The following SLCO1B1 variants were observed in gnomAD, a reference collection of about 807,000 sequenced individuals.
The protein encoded by SLCO1B1 is solute carrier organic anion transporter family member 1B1.
In SLCO1B1, 81 loss-of-function variants were observed where a neutral mutation model predicts 70.1. That is an observed-to-expected ratio of 1.16 (90% CI 0.97 to 1.39). SLCO1B1 has a LOEUF of 1.39. Among genes scored for constraint, SLCO1B1 ranks in the 40% most tolerant of loss-of-function variants. The pLI, the probability that SLCO1B1 is intolerant of heterozygous loss-of-function variation, is 0.00. For missense variants in SLCO1B1, 895 were observed against 799.6 expected (o/e 1.12, Z -1.44); for synonymous variants, 283 against 271.5 (o/e 1.04, Z -0.42).
intron 12 of SLCO1B1, among the ~76,000 whole-genome samples, chr12:21,221,652 G>T (rs913918424): frequency 2.8e-4 from 43 of 152,048 alleles, no homozygotes; most frequent in Non-Finnish European, 5.3e-4. Context: ...ACAAACATAT[G>T]ACAAAATGCT....
chr12:21,157,721 C>T (rs1436839629), intron 2 of SLCO1B1, among the ~76,000 whole-genome samples: 1 of 151,724 alleles, frequency 6.6e-6, no homozygotes, highest in Non-Finnish European at 1.5e-5. Flanking sequence ...CCTGCCTCAG[C>T]CTCCCAAGTA....
At chr12:21,232,576 C>A (rs1286237713) in intron 14 of SLCO1B1, among the ~76,000 whole-genome samples, 1 of 152,194 alleles carries the variant, frequency 6.6e-6, no homozygotes, top group Admixed American at 6.5e-5. Context: ...TGACACCCCT[C>A]TCCATTACAG....
intron 2 of SLCO1B1, among the ~76,000 whole-genome samples, chr12:21,168,476 A>G (rs902733788): frequency 1.3e-5 from 2 of 152,300 alleles, no homozygotes; most frequent in Admixed American, 6.5e-5. Flanking sequence ...GGAACCTCCA[A>G]ACTCTTTTTC....
chr12:21,227,302 C>T (rs4149082), intron 14 of SLCO1B1, among the ~76,000 whole-genome samples: 1 of 151,644 alleles, frequency 6.6e-6, no homozygotes, highest in Non-Finnish European at 1.5e-5. Flanking sequence ...TAATATGGAA[C>T]CTTCTTCAAG....
chr12:21,199,789 TTTTGTTTGTTTG>T (rs3060579), intron 8 of SLCO1B1, among the ~76,000 whole-genome samples: 5 of 151,856 alleles, frequency 3.3e-5, no homozygotes, highest in East Asian at 3.9e-4. Context: ...TTTTGGGTTT[TTTTGTTTGTTTG>T]TTTGTTTGTT....
intron 1 of SLCO1B1, among the ~76,000 whole-genome samples, 176 bp downstream of exon 1, chr12:21,131,412 T>A (rs73244851): frequency 6.6e-6 from 1 of 152,048 alleles, no homozygotes; most frequent in Admixed American, 6.6e-5. Context: ...TAGAAGAGCC[T>A]CAGGTTTATA....
At chr12:21,209,208 C>A (rs1320421423) in intron 11 of SLCO1B1, among the ~76,000 whole-genome samples, 1 of 151,752 alleles carries the variant, frequency 6.6e-6, no homozygotes, top group Non-Finnish European at 1.5e-5. Flanking sequence ...TCCCTCCCCC[C>A]TCCTCCCACC....
At chr12:21,234,712 A>G (rs1272589933) in intron 14 of SLCO1B1, among the ~76,000 whole-genome samples, 1 of 152,174 alleles carries the variant, frequency 6.6e-6, no homozygotes, top group Non-Finnish European at 1.5e-5. Flanking sequence ...TGTTGAAGCT[A>G]TATCCTAGAG....
intron 10 of SLCO1B1, among the ~76,000 whole-genome samples, chr12:21,205,161 AAAT>A (rs1316578740): frequency 1.3e-5 from 2 of 151,746 alleles, no homozygotes. Flanking sequence ...ATTTGAAAGA[AAAT>A]AATTTTTTAA....
intron 7 of SLCO1B1, among the ~76,000 whole-genome samples, chr12:21,180,628 C>T (rs770737354): frequency 6.6e-6 from 1 of 152,124 alleles, no homozygotes; most frequent in Non-Finnish European, 1.5e-5. Flanking sequence ...TCACAGTGGG[C>T]CAGCAACAGC....
Position 21,178,722 on chromosome 12 carries a change from G to A in SLCO1B1, c.628G>A (p.Gly210Ser). Residue 210 changes from glycine (G) to serine (S), a missense_variant and splice_region_variant, in exon 6 of 15, where the codon GGT (glycine) becomes AGT (serine). Transcript: ENST00000256958. ...AKEGHSSLYLGILNAIAMIGP... is the reference protein window; with the variant it reads ...AKEGHSSLYLSILNAIAMIGP... ...AGAAGGACATTCTTCTTTGTATTTA[G>A]GTAATGTACACAAAATATTAAATTG... 1.3e-6 allele frequency: 2 copies of A among 1,599,942 alleles called. No homozygotes were observed. Among genetic ancestry groups the A allele is most frequent in the Non-Finnish European group, 1.7e-6 (2 of 1,167,308 alleles).
At chr12:21,176,703 T>A in intron 4 of SLCO1B1, 73 bp from the exon 5 acceptor site, 2 of 1,179,222 alleles carry the variant, frequency 1.7e-6, no homozygotes, top group South Asian at 2.5e-5. Context: ...GGGGAATATT[T>A]CTCTGTATTT....
intron 14 of SLCO1B1, among the ~76,000 whole-genome samples, chr12:21,227,507 AC>A (rs772033051): frequency 3.3e-5 from 5 of 152,178 alleles, no homozygotes; most frequent in Non-Finnish European, 7.4e-5. Context: ...AAATGATCCA[AC>A]TTTTTCCAGA....
chr12:21,155,106 G>GT (rs1452571484), intron 2 of SLCO1B1, among the ~76,000 whole-genome samples: 28 of 127,112 alleles, frequency 2.2e-4, no homozygotes, highest in Non-Finnish European at 4.7e-4. Context: ...TGCATTTTTT[G>GT]TTTTTTTTAA....
chr12:21,193,739 C>G (rs952172058), intron 7 of SLCO1B1, among the ~76,000 whole-genome samples: 5 of 152,122 alleles, frequency 3.3e-5, no homozygotes, highest in African/African-American at 1.2e-4. Context: ...AACCTATATC[C>G]TTAATGCTTT....
rs75099577 is a variant in SLCO1B1, at chr12:21,228,726, G to A, written c.1865+3887G>A. On this transcript the variant is annotated intron_variant, in intron 14 of 14. Coordinates refer to ENST00000256958, the MANE Select transcript of SLCO1B1 (RefSeq NM_006446.5). ...GTGGCCTCTAGAAGTGAGAAAAAGC[G>A]AAGGAACAGCTTATTTCCTGGAGGT... 1.3e-5 allele frequency among the ~76,000 whole-genome samples: 2 copies of A among 152,286 alleles called. 1 individual carries two copies. Among genetic ancestry groups the A allele is most frequent in the South Asian group, 4.1e-4 (2 of 4,826 alleles).
intron 2 of SLCO1B1, among the ~76,000 whole-genome samples, chr12:21,146,262 T>A (rs1189107644): frequency 1.3e-5 from 2 of 152,104 alleles, no homozygotes; most frequent in Non-Finnish European, 2.9e-5. Flanking sequence ...TTCTTTATTA[T>A]CCTTTTCATG....
chr12:21,207,557 A>G (rs982312851), intron 11 of SLCO1B1, among the ~76,000 whole-genome samples: 4 of 152,002 alleles, frequency 2.6e-5, no homozygotes, highest in Admixed American at 1.3e-4. Flanking sequence ...ACCCAGGTTG[A>G]GACCGTGTCT....
At chr12:21,133,818 C>A (rs1350184186) in intron 1 of SLCO1B1, among the ~76,000 whole-genome samples, 2 of 152,102 alleles carry the variant, frequency 1.3e-5, no homozygotes, top group African/African-American at 2.4e-5. Flanking sequence ...ATTGAATACC[C>A]TTTATTTTCT....
Sources: gnomAD v4.1 joint callset for allele counts (sites outside exome capture counted in the v4.1 genomes callset) on GRCh38, gnomAD v4.1.1 for gene constraint, MANE v1.5 for transcripts, NCBI Gene and HGNC (gene_info 2026-07-23, HGNC 2026-07-21) for gene names.